Variants in PIP5K1B observed in about 807,000 individuals in gnomAD.
PIP5K1B encodes the protein phosphatidylinositol-4-phosphate 5-kinase type 1 beta.
PIP5K1B carries 42 observed loss-of-function variants against 67.0 expected under a neutral mutation model. The observed-to-expected ratio is 0.63, with a 90% confidence interval of 0.49 to 0.81. The LOEUF is 0.81. PIP5K1B is among the 30% of genes least tolerant of loss of function. The pLI is 0.00. For synonymous variants in PIP5K1B, 214 were observed against 231.4 expected (o/e 0.92, Z 0.68); for missense variants, 459 against 646.3 (o/e 0.71, Z 3.14).
intron 14 of PIP5K1B, among the ~76,000 whole-genome samples, chr9:68,949,174 A>G (rs754656520): frequency 2.0e-4 from 30 of 151,854 alleles, no homozygotes; most frequent in Non-Finnish European, 3.5e-4. Context: ...ATTTCCCTTG[A>G]CTTAAAACAC....
At chr9:68,712,812 G>A (rs1184979884) in intron 1 of PIP5K1B, among the ~76,000 whole-genome samples, 2 of 152,200 alleles carry the variant, frequency 1.3e-5, no homozygotes, top group Admixed American at 6.5e-5. Context: ...GAAATGAATA[G>A]TAGTGAACAA....
chr9:68,709,936 T>G (rs1463817623), intron 1 of PIP5K1B, among the ~76,000 whole-genome samples: 1 of 152,126 alleles, frequency 6.6e-6, no homozygotes, highest in African/African-American at 2.4e-5. Context: ...GAAACACAAA[T>G]GTATGCTGGT....
At chr9:68,859,645 G>C (rs1822961010) in intron 4 of PIP5K1B, among the ~76,000 whole-genome samples, 1 of 152,166 alleles carries the variant, frequency 6.6e-6, no homozygotes, top group Non-Finnish European at 1.5e-5. Context: ...CGTGTCACTG[G>C]TCTGTTGGTG....
chr9:68,793,483 A>T (rs1017724353), intron 2 of PIP5K1B, among the ~76,000 whole-genome samples: 5 of 152,202 alleles, frequency 3.3e-5, no homozygotes, highest in African/African-American at 9.7e-5. Flanking sequence ...TGGCTAAATT[A>T]TAGGTATATT....
At chr9:68,920,799 C>T (rs12347104) in intron 11 of PIP5K1B, among the ~76,000 whole-genome samples, 1 of 140,358 alleles carries the variant, frequency 7.1e-6, no homozygotes, top group Non-Finnish European at 1.6e-5. Flanking sequence ...CACATACACA[C>T]ACATACACAC....
At chr9:68,979,129 G>A (rs905409787) in intron 14 of PIP5K1B, among the ~76,000 whole-genome samples, 2 of 152,154 alleles carry the variant, frequency 1.3e-5, no homozygotes, top group African/African-American at 4.8e-5. Flanking sequence ...GGTTGCTGGG[G>A]ATAACTTAGA....
intron 15 of PIP5K1B, among the ~76,000 whole-genome samples, chr9:69,007,937 C>T (rs1007718965): frequency 1.3e-5 from 2 of 152,052 alleles, no homozygotes; most frequent in African/African-American, 4.8e-5. Context: ...GCTTTCCCCA[C>T]ATATATCATA....
chr9:68,786,833 C>A (rs1831647147), intron 2 of PIP5K1B, among the ~76,000 whole-genome samples: 3 of 152,080 alleles, frequency 2.0e-5, no homozygotes, highest in Admixed American at 1.3e-4. Flanking sequence ...GAGGAAATGA[C>A]CACTTACCAA....
At chr9:68,726,027 C>T (rs951477964) in intron 1 of PIP5K1B, among the ~76,000 whole-genome samples, 7 of 152,122 alleles carry the variant, frequency 4.6e-5, no homozygotes, top group Non-Finnish European at 8.8e-5. Flanking sequence ...CTTTTAACAC[C>T]TATGGAATCT....
chr9:68,895,914 CT>C (rs1209371285), intron 8 of PIP5K1B, among the ~76,000 whole-genome samples: 1 of 152,146 alleles, frequency 6.6e-6, no homozygotes, highest in Non-Finnish European at 1.5e-5. Flanking sequence ...TCCAGCATTA[CT>C]TACCAAGTCA....
intron 1 of PIP5K1B, among the ~76,000 whole-genome samples, chr9:68,713,847 C>G (rs1326873555): frequency 6.6e-6 from 1 of 152,158 alleles, no homozygotes; most frequent in Admixed American, 6.5e-5. Flanking sequence ...TACTCTGTTC[C>G]AGGCACTCCT....
chr9:68,840,389 A>G (rs1232236937), intron 4 of PIP5K1B, among the ~76,000 whole-genome samples: 1 of 152,212 alleles, frequency 6.6e-6, no homozygotes, highest in African/African-American at 2.4e-5. Flanking sequence ...AAAAAAAAAA[A>G]AAGAAAATAT....
Position 68,859,103 on chromosome 9 carries a change from G to A in PIP5K1B, c.70-4734G>A, listed in dbSNP as rs548209034. Reference sequence around the variant, plus strand: ...CAGCGTATGCACACACTAGCTAAGGGATTTAGACCAAGTTCATCTCCTGGA... The same window carrying A: ...CAGCGTATGCACACACTAGCTAAGGAATTTAGACCAAGTTCATCTCCTGGA... On this transcript the variant is annotated intron_variant, in intron 4 of 15. Coordinates refer to ENST00000265382, the MANE Select transcript of PIP5K1B (RefSeq NM_003558.4). Among the ~76,000 whole-genome samples, 3 of 152,332 alleles carry A rather than the reference G, an allele frequency of 2.0e-5. No homozygotes were observed. The South Asian group carries it at 6.2e-4, about 32-fold the overall frequency.
intron 2 of PIP5K1B, among the ~76,000 whole-genome samples, chr9:68,771,354 T>C (rs1830662240): frequency 6.6e-6 from 1 of 152,220 alleles, no homozygotes; most frequent in Admixed American, 6.5e-5. Context: ...ATCTTTCTGA[T>C]AAGCAGAATG....
At chr9:68,726,664 G>A (rs770903416) in intron 1 of PIP5K1B, among the ~76,000 whole-genome samples, 1 of 152,194 alleles carries the variant, frequency 6.6e-6, no homozygotes, top group African/African-American at 2.4e-5. Flanking sequence ...TCAGGGAGGA[G>A]AGGGTGCTAA....
intron 8 of PIP5K1B, among the ~76,000 whole-genome samples, chr9:68,904,309 T>C (rs571100792): frequency 3.4e-4 from 52 of 152,196 alleles, no homozygotes; most frequent in Non-Finnish European, 6.9e-4. Flanking sequence ...CAATGACTGG[T>C]CACCTAACTC....
intron 15 of PIP5K1B, among the ~76,000 whole-genome samples, chr9:68,998,224 C>T (rs1374039490): frequency 6.6e-6 from 1 of 152,064 alleles, no homozygotes; most frequent in Non-Finnish European, 1.5e-5. Flanking sequence ...ACTCACACCA[C>T]CATGCCTAGC....
chr9:68,843,911 C>T (rs1015803217), intron 4 of PIP5K1B, among the ~76,000 whole-genome samples: 1 of 152,120 alleles, frequency 6.6e-6, no homozygotes, highest in Non-Finnish European at 1.5e-5. Context: ...CAACATGGGC[C>T]TGGGAAGAGG....
intron 4 of PIP5K1B, among the ~76,000 whole-genome samples, chr9:68,854,722 A>C (rs767528175): frequency 6.6e-6 from 1 of 152,238 alleles, no homozygotes; most frequent in African/African-American, 2.4e-5. Flanking sequence ...GGACATTTCC[A>C]TCCCAATATA....
Sources: allele counts gnomAD v4.1 joint callset (sites outside exome capture counted in the v4.1 genomes callset), GRCh38; gene constraint gnomAD v4.1.1; transcripts MANE v1.5; gene names NCBI Gene and HGNC (gene_info 2026-07-23, HGNC 2026-07-21).